The following RMDN2 variants were observed in gnomAD, a reference collection of about 807,000 sequenced individuals.
RMDN2 encodes the protein regulator of microtubule dynamics protein 2.
Under a neutral mutation model 52.8 loss-of-function variants are expected in RMDN2, and 61 were observed. The observed-to-expected ratio is 1.16, with a 90% CI of 0.94 to 1.43. The LOEUF is 1.43. Among genes scored for constraint, RMDN2 ranks in the 40% most tolerant of loss-of-function variants. The probability of loss-of-function intolerance (pLI) is 0.00; values close to 1 mark genes in which losing one functional copy is unlikely to be tolerated. For synonymous variants in RMDN2, 180 were observed against 153.1 expected (o/e 1.18, Z -1.30); for missense variants, 592 against 475.3 (o/e 1.25, Z -2.28).
At chr2:37,978,200 A>G (rs1050657633) in intron 4 of RMDN2, among the ~76,000 whole-genome samples, 12 of 151,932 alleles carry the variant, frequency 7.9e-5, no homozygotes, top group African/African-American at 2.9e-4. Flanking sequence ...CGTGCCTGCA[A>G]TCGCAGGTAC....
At chr2:38,029,443 C>G (rs1680018557) in intron 10 of RMDN2, 1 of 151,936 alleles carries the variant, frequency 6.6e-6, no homozygotes, top group Non-Finnish European at 1.5e-5. Flanking sequence ...TTTTTTGCAT[C>G]TTCGTTTAGT....
chr2:38,036,047 G>A (rs907753668), intron 10 of RMDN2: 9 of 152,006 alleles, frequency 5.9e-5, no homozygotes, highest in Non-Finnish European at 1.2e-4. Flanking sequence ...AAGATAAGAG[G>A]AACTAAATAG....
intron 2 of RMDN2, among the ~76,000 whole-genome samples, chr2:37,966,554 C>G (rs1356924190): frequency 6.6e-6 from 1 of 152,094 alleles, no homozygotes; most frequent in Non-Finnish European, 1.5e-5. Flanking sequence ...GTGTATATGT[C>G]TGCTTCATGA....
intron 2 of RMDN2, among the ~76,000 whole-genome samples, chr2:37,967,312 A>C (rs1671189215): frequency 6.6e-6 from 1 of 152,246 alleles, no homozygotes; most frequent in Admixed American, 6.5e-5. Context: ...GATCAGCTGC[A>C]GAGAAGAACA....
At chr2:37,990,170 TA>T (rs1674586305) in intron 6 of RMDN2, among the ~76,000 whole-genome samples, 1 of 148,634 alleles carries the variant, frequency 6.7e-6, no homozygotes, top group Non-Finnish European at 1.5e-5. Context: ...AAATTATTAT[TA>T]GTCCAGATTC....
In RMDN2 at chr2:38,051,805, C is replaced by T. The variant is rs369245960; in HGVS notation, c.1714-15177C>T. On this transcript the variant is annotated intron_variant, in intron 10 of 10. Transcript: ENST00000234195. Reference sequence around the variant, plus strand: ...GTCTTTCTGTGCCTGACTGATTTCACTCAACATAATGACCTCCAGTTCCAT... The same window carrying T: ...GTCTTTCTGTGCCTGACTGATTTCATTCAACATAATGACCTCCAGTTCCAT... Among the ~76,000 whole-genome samples, 63 of 152,320 alleles carry T rather than the reference C, an allele frequency of 4.1e-4. No individual in the cohort carries two copies. The South Asian group carries it at 0.012, about 29-fold the overall frequency.
intron 4 of RMDN2, among the ~76,000 whole-genome samples, chr2:37,977,891 G>A (rs1672746413): frequency 6.6e-6 from 1 of 152,166 alleles, no homozygotes; most frequent in Non-Finnish European, 1.5e-5. Context: ...CGGCCAGGCA[G>A]AGACGCTCCT....
At chr2:37,925,058 C>T (rs1409819730), upstream of RMDN2, among the ~76,000 whole-genome samples, 1 of 152,110 alleles carries the variant, frequency 6.6e-6, no homozygotes, top group African/African-American at 2.4e-5. Flanking sequence ...CTGGGGCTAG[C>T]GCGGAGGCCC....
intron 2 of RMDN2, among the ~76,000 whole-genome samples, chr2:37,936,246 G>A (rs72887114): frequency 9.3e-4 from 141 of 152,312 alleles, no homozygotes; most frequent in African/African-American, 2.9e-3. Context: ...TTTTAGGGAT[G>A]CATGGTATTC....
chr2:38,035,849 A>G (rs967522848), intron 10 of RMDN2: 4 of 152,170 alleles, frequency 2.6e-5, no homozygotes, highest in Non-Finnish European at 5.9e-5. Flanking sequence ...GTCTTTCCCA[A>G]TGTTACATTC....
At chr2:37,945,173 A>G (rs1668122417) in intron 2 of RMDN2, among the ~76,000 whole-genome samples, 1 of 152,208 alleles carries the variant, frequency 6.6e-6, no homozygotes, top group African/African-American at 2.4e-5. Flanking sequence ...GCTCTTCTCT[A>G]CATTTTGTTA....
intron 10 of RMDN2, among the ~76,000 whole-genome samples, chr2:38,062,080 C>T (rs1222317875): frequency 1.1e-4 from 16 of 152,220 alleles, no homozygotes; most frequent in Non-Finnish European, 2.2e-4. Flanking sequence ...AGTTCATTTG[C>T]ACCAATTCCC....
intron 2 of RMDN2, among the ~76,000 whole-genome samples, chr2:37,947,122 T>C (rs1486695910): frequency 6.6e-6 from 1 of 152,140 alleles, no homozygotes; most frequent in African/African-American, 2.4e-5. Context: ...CTTTGCAAAG[T>C]ATGAGCTTTT....
intron 5 of RMDN2, among the ~76,000 whole-genome samples, chr2:37,986,597 A>G (rs1572948591): frequency 1.3e-5 from 2 of 152,274 alleles, no homozygotes; most frequent in East Asian, 3.9e-4. Flanking sequence ...AGTGAGATTT[A>G]TTCCTGGTCT....
intron 2 of RMDN2, among the ~76,000 whole-genome samples, chr2:37,969,684 A>C (rs961945700): frequency 3.3e-5 from 5 of 152,036 alleles, no homozygotes; most frequent in Non-Finnish European, 7.4e-5. Context: ...TATTGTGCCA[A>C]AAAGACTTCC....
upstream of RMDN2, among the ~76,000 whole-genome samples, chr2:37,924,541 T>C (rs1387485179): frequency 1.3e-5 from 2 of 151,726 alleles, no homozygotes; most frequent in African/African-American, 4.8e-5. Flanking sequence ...ATTTTTTGTA[T>C]TTTTAGTAGA....
At chr2:38,035,068 G>T (rs1248046958) in intron 10 of RMDN2, among the ~76,000 whole-genome samples, 1 of 152,098 alleles carries the variant, frequency 6.6e-6, no homozygotes, top group African/African-American at 2.4e-5. Flanking sequence ...TATCATTTAT[G>T]TTGGCAAATA....
intron 2 of RMDN2, among the ~76,000 whole-genome samples, chr2:37,963,353 T>C (rs1225637650): frequency 7.5e-6 from 1 of 132,606 alleles, no homozygotes; most frequent in Non-Finnish European, 1.6e-5. Flanking sequence ...CATTCTTGGG[T>C]GTTTCTCGGA....
At chr2:37,994,817 A>G (rs1370987582) in intron 7 of RMDN2, among the ~76,000 whole-genome samples, 1 of 152,230 alleles carries the variant, frequency 6.6e-6, no homozygotes, top group Non-Finnish European at 1.5e-5. Context: ...ATATGCTCAC[A>G]CAAAGACTAG....
Sources: allele counts gnomAD v4.1 joint callset (sites outside exome capture counted in the v4.1 genomes callset), GRCh38; gene constraint gnomAD v4.1.1; transcripts MANE v1.5; gene names NCBI Gene and HGNC (gene_info 2026-07-23, HGNC 2026-07-21).